The following ALG8 variants were observed in gnomAD, a reference collection of about 807,000 sequenced individuals.
The protein encoded by ALG8 is ALG8 alpha-1,3-glucosyltransferase.
Under a neutral mutation model 70.2 loss-of-function variants are expected in ALG8, and 48 were observed. That is an observed-to-expected ratio of 0.68 (90% CI 0.54 to 0.87). The LOEUF (loss-of-function observed/expected upper bound fraction) is 0.87, where lower values mean the gene tolerates loss of function less well. ALG8 is among the 40% of genes least tolerant of loss of function. ALG8 has a pLI of 0.00. For missense variants in ALG8, 572 were observed against 608.7 expected (o/e 0.94, Z 0.64); for synonymous variants, 234 against 229.0 (o/e 1.02, Z -0.20).
chr11:78,104,126 G>A, intron 11 of ALG8, 74 bp from the exon 12 acceptor site: 1 of 1,027,908 alleles, frequency 9.7e-7, no homozygotes, highest in Non-Finnish European at 1.5e-6. Flanking sequence ...AGTAATATAA[G>A]CACACTGACA....
At chr11:78,123,622 C>T (rs1860929215) in intron 3 of ALG8, among the ~76,000 whole-genome samples, 1 of 152,256 alleles carries the variant, frequency 6.6e-6, no homozygotes, top group Non-Finnish European at 1.5e-5. Flanking sequence ...ACAATCCATA[C>T]GTGTGCGCTA....
chr11:78,109,458 G>A lies in ALG8; in HGVS notation c.1022C>T (p.Thr341Ile). Residue 341 changes from threonine (T) to isoleucine (I), a missense_variant, in exon 9 of 13, where the codon ACA (threonine) becomes ATA (isoleucine). Physicochemically the swap from Thr to Ile is moderately conservative, Grantham distance 89. Coordinates refer to ENST00000299626, the MANE Select transcript of ALG8 (RefSeq NM_024079.5). ...SVTPLATLIC[T>I]LIAILPSIFC... ...AGTTCTTACCAATATGGCAATCAGT[G>A]TGCAGATGAGGGTTGCCAAGGGAGT... The A allele has an allele frequency of 2.5e-6, 4 of 1,614,158 alleles. No homozygotes were observed. Among genetic ancestry groups the A allele is most frequent in the Non-Finnish European group, 3.4e-6 (4 of 1,180,024 alleles).
chr11:78,109,471 T>A lies in ALG8; in HGVS notation c.1009A>T (p.Thr337Ser), dbSNP rs191655562. The A allele has an allele frequency of 6.2e-7, 1 of 1,614,114 alleles. No homozygotes were observed. The highest frequency in any genetic ancestry group is 1.7e-5 in the Admixed American group (1 of 60,006). Residue 337 changes from threonine (T) to serine (S), a missense_variant, in exon 9 of 13, where the codon ACC becomes TCC. By Grantham distance (58) the Thr-to-Ser change is moderately conservative (BLOSUM62 1). Coordinates refer to ENST00000299626, the MANE Select transcript of ALG8 (RefSeq NM_024079.5). ...TVLPSVTPLA[T>S]LICTLIAILP... ...ATGGCAATCAGTGTGCAGATGAGGG[T>A]TGCCAAGGGAGTCACTGAGGGAAGG...
chr11:78,116,407 TACTATA>T (rs1860571279), intron 5 of ALG8, among the ~76,000 whole-genome samples: 1 of 151,664 alleles, frequency 6.6e-6, no homozygotes, highest in African/African-American at 2.4e-5. Flanking sequence ...AAAACCAGCT[TACTATA>T]ACTAAGAAGT....
intron 3 of ALG8, among the ~76,000 whole-genome samples, chr11:78,122,481 A>G (rs1445114824): frequency 2.0e-5 from 3 of 152,016 alleles, no homozygotes; most frequent in African/African-American, 7.2e-5. Flanking sequence ...AGCTGGGACA[A>G]CAGTCCCCGG....
chr11:78,107,050 A>G, intron 9 of ALG8, 104 bp from the exon 10 acceptor site: 2 of 1,332,422 alleles, frequency 1.5e-6, no homozygotes, highest in South Asian at 1.3e-5. Flanking sequence ...AAGACAGCCA[A>G]TCTTAGACAA....
intron 6 of ALG8, 54 bp from the exon 7 acceptor site, chr11:78,114,043 A>G (rs1329327245): frequency 2.0e-6 from 3 of 1,485,360 alleles, no homozygotes; most frequent in Non-Finnish European, 2.8e-6. Flanking sequence ...AACATTAACC[A>G]TAACCTATAT....
At position 78,118,399 on chromosome 11, in the gene ALG8, T is replaced by G. The variant is rs184641937; in HGVS notation, c.546+783A>C. Among the ~76,000 whole-genome samples the G allele has an allele frequency of 5.3e-3, 804 of 151,944 alleles. 4 individuals are homozygous for G. Among genetic ancestry groups the G allele is most frequent in the African/African-American group, 0.016 (676 of 41,478 alleles). On this transcript the variant is annotated intron_variant, in intron 5 of 12. Coordinates refer to ENST00000299626, the MANE Select transcript of ALG8 (RefSeq NM_024079.5). The stretch of plus-strand genomic sequence containing the variant: ...GGGAGGCTGAGGCGGGCGGAACACT[T>G]GAGGTCAGGAGTTTGAGACCAGCCT...
At chr11:78,138,773 T>G in intron 1 of ALG8, 1 of 456,310 alleles carries the variant, frequency 2.2e-6, no homozygotes, top group Non-Finnish European at 4.4e-6. Context: ...TGGCCCTACA[T>G]CCATTTTTTA....
chr11:78,132,876 G>A (rs669227), intron 1 of ALG8, among the ~76,000 whole-genome samples: 36 of 132,412 alleles, frequency 2.7e-4, no homozygotes, highest in African/African-American at 8.1e-4. Context: ...TCACTCTGTC[G>A]ACCAGGTTGG....
intron 5 of ALG8, among the ~76,000 whole-genome samples, chr11:78,117,955 C>T (rs1860651887): frequency 6.7e-6 from 1 of 149,268 alleles, no homozygotes; most frequent in Admixed American, 6.7e-5. Flanking sequence ...CCTGTAGTCC[C>T]AGCTACTCGG....
chr11:78,129,869 G>C (rs944540722), intron 1 of ALG8, among the ~76,000 whole-genome samples: 3 of 142,154 alleles, frequency 2.1e-5, no homozygotes, highest in Non-Finnish European at 3.0e-5. Flanking sequence ...TAAAAAGTTT[G>C]AGAACCATGC....
chr11:78,130,361 A>AAAAAAAAAAAAAAGAAAAGAAAAAAAAG (rs928560857), intron 1 of ALG8, among the ~76,000 whole-genome samples: 7 of 132,634 alleles, frequency 5.3e-5, no homozygotes, highest in African/African-American at 2.2e-4. Flanking sequence ...AAAAAAAAAA[A>AAAAAAAAAAAAAAGAAAAGAAAAAAAAG]AAAAAAGGTG....
At chr11:78,111,982 G>T (rs1860309757) in intron 8 of ALG8, among the ~76,000 whole-genome samples, 1 of 152,148 alleles carries the variant, frequency 6.6e-6, no homozygotes, top group African/African-American at 2.4e-5. Context: ...AGGTTTAAAA[G>T]TGGGGTAGGC....
Position 78,104,067 on chromosome 11 carries a change from G to GAAAA in ALG8, c.1277-19_1277-16dup. The GAAAA allele has an allele frequency of 7.1e-7, 1 of 1,399,168 alleles. No individual in the cohort carries two copies. The highest frequency in any genetic ancestry group is 1.0e-6 in the Non-Finnish European group (1 of 997,728). 86.7% of individuals were successfully genotyped at this position (1,399,168 alleles called of 1,614,324 possible). A position where few individuals can be genotyped will look rare whatever the true frequency, so the allele number is the denominator to read the frequency against. On this transcript the variant is annotated splice_polypyrimidine_tract_variant and intron_variant, in intron 11 of 12. Transcript: ENST00000299626. ...AATGGGAAGTTCTGTTAAAAGAATA[G>GAAAA]AAAAAAAAAGATAATTTAGCTGATG...
Position 78,104,493 on chromosome 11 carries a change from T to C in ALG8, c.1179-40A>G, listed in dbSNP as rs376648673. On this transcript the variant is annotated intron_variant, in intron 10 of 12. Transcript: ENST00000299626. Reference sequence around the variant, plus strand: ...AATTTCTTAAAACAACAACTGTTATTACACTTGCAAATAGCTTAAATAAAC... The same window carrying C: ...AATTTCTTAAAACAACAACTGTTATCACACTTGCAAATAGCTTAAATAAAC... 1.6e-4 allele frequency: 245 copies of C among 1,521,004 alleles called. No homozygotes were observed. The Middle Eastern group carries it at 3.1e-3, about 19-fold the overall frequency. 94.2% of individuals were successfully genotyped at this position (1,521,004 alleles called of 1,614,324 possible). A position where few individuals can be genotyped will look rare whatever the true frequency, so the allele number is the denominator to read the frequency against.
chr11:78,118,085 A>G (rs1319726683), intron 5 of ALG8, among the ~76,000 whole-genome samples: 9 of 146,140 alleles, frequency 6.2e-5, no homozygotes, highest in African/African-American at 1.5e-4. Flanking sequence ...AAAAAAAAAA[A>G]GAAAAAAAAA....
intron 8 of ALG8, among the ~76,000 whole-genome samples, chr11:78,111,934 A>G (rs1860307488): frequency 6.6e-6 from 1 of 152,130 alleles, no homozygotes; most frequent in South Asian, 2.1e-4. Flanking sequence ...TTTAATACCG[A>G]GAGTCACAAC....
intron 11 of ALG8, 91 bp downstream of exon 11, chr11:78,104,265 T>G: frequency 8.2e-7 from 1 of 1,215,942 alleles, no homozygotes; most frequent in Non-Finnish European, 1.1e-6. Context: ...CAAGAGATTT[T>G]AGAGTTGTTT....
Sources: allele counts gnomAD v4.1 joint callset (sites outside exome capture counted in the v4.1 genomes callset), GRCh38; gene constraint gnomAD v4.1.1; transcripts MANE v1.5; gene names NCBI Gene and HGNC (gene_info 2026-07-23, HGNC 2026-07-21).